The following FRMD4A variants were observed in gnomAD, a reference collection of about 807,000 sequenced individuals.
FRMD4A encodes FERM domain-containing protein 4A.
Under a neutral mutation model 129.1 loss-of-function variants are expected in FRMD4A, and 29 were observed. That is an observed-to-expected ratio of 0.22 (90% CI 0.17 to 0.31). The LOEUF (loss-of-function observed/expected upper bound fraction) is 0.31. FRMD4A is among the 10% of genes least tolerant of loss of function. FRMD4A has a pLI of 1.00. For missense variants in FRMD4A, 1,272 were observed against 1,375.8 expected, an observed-to-expected ratio of 0.92 and a Z score of 1.19; for synonymous variants, 634 against 571.6, an observed-to-expected ratio of 1.11 and a Z score of -1.56.
At chr10:13,786,537 C>T (rs575318349) in intron 5 of FRMD4A, among the ~76,000 whole-genome samples, 4 of 152,214 alleles carry the variant, frequency 2.6e-5, no homozygotes, top group African/African-American at 7.2e-5. Context: ...ACCTGGGAGG[C>T]GGAGGTTGCA....
intron 5 of FRMD4A, among the ~76,000 whole-genome samples, chr10:13,788,687 C>T (rs1049000190): frequency 5.9e-5 from 9 of 152,340 alleles, no homozygotes; most frequent in Middle Eastern, 3.4e-3. Flanking sequence ...CCACAAGCAA[C>T]AGCCCACCCA....
intron 2 of FRMD4A, among the ~76,000 whole-genome samples, chr10:14,035,295 C>A (rs1833444454): frequency 6.6e-6 from 1 of 151,790 alleles, no homozygotes; most frequent in Non-Finnish European, 1.5e-5. Context: ...ATCTGTAATC[C>A]CAGGTACTCA....
rs555481602 is a variant in FRMD4A, at chr10:14,161,289, A to G, written c.45+168769T>C. Reference sequence around the variant, plus strand: ...GATTACTTAAACTAGAAATAGAGCTACCATACAATCCAACAATTCCACTAT... The same window carrying G: ...GATTACTTAAACTAGAAATAGAGCTGCCATACAATCCAACAATTCCACTAT... On this transcript the variant is annotated intron_variant, in intron 2 of 24. Coordinates refer to ENST00000357447, the MANE Select transcript of FRMD4A (RefSeq NM_018027.5). 5.3e-5 allele frequency among the ~76,000 whole-genome samples: 8 copies of G among 152,290 alleles called. No homozygotes were observed. In the South Asian group the frequency reaches 1.7e-3, roughly 32 times the overall value.
intron 2 of FRMD4A, among the ~76,000 whole-genome samples, chr10:14,051,508 C>G (rs1306552020): frequency 6.6e-6 from 1 of 152,228 alleles, no homozygotes; most frequent in Non-Finnish European, 1.5e-5. Context: ...GTTCTCTGTA[C>G]TCTGTCCCGT....
At chr10:13,694,684 A>T (rs1243496258) in intron 14 of FRMD4A, among the ~76,000 whole-genome samples, 1 of 152,184 alleles carries the variant, frequency 6.6e-6, no homozygotes, top group African/African-American at 2.4e-5. Context: ...TCCCATCTAT[A>T]CAAAAAAATT....
intron 8 of FRMD4A, among the ~76,000 whole-genome samples, chr10:13,759,407 G>A (rs919118154): frequency 2.0e-5 from 3 of 152,168 alleles, no homozygotes; most frequent in Non-Finnish European, 2.9e-5. Context: ...GTGGCCACAC[G>A]TTCCCATGAT....
At chr10:13,694,324 A>C (rs1001213171) in intron 14 of FRMD4A, among the ~76,000 whole-genome samples, 1 of 152,220 alleles carries the variant, frequency 6.6e-6, no homozygotes, top group South Asian at 2.1e-4. Flanking sequence ...TGATTTAGGA[A>C]AAGTGACTTA....
chr10:14,192,312 G>A (rs1316367239), intron 2 of FRMD4A, among the ~76,000 whole-genome samples: 1 of 152,162 alleles, frequency 6.6e-6, no homozygotes, highest in Non-Finnish European at 1.5e-5. Context: ...ACACACACCT[G>A]TTTTGCTTAT....
chr10:13,675,597 C>T (rs11258516), intron 15 of FRMD4A: 11,915 of 152,136 alleles, frequency 0.078, 640 homozygotes, highest in Non-Finnish European at 0.12. Flanking sequence ...GATGGGGTTT[C>T]GCCATGTTGG....
At chr10:14,261,898 C>T (rs921172448) in intron 2 of FRMD4A, among the ~76,000 whole-genome samples, 2 of 151,490 alleles carry the variant, frequency 1.3e-5, no homozygotes, top group African/African-American at 2.4e-5. Context: ...TGCTCCAACC[C>T]AGCCTCTGTT....
chr10:13,986,723 C>T (rs956041893), intron 2 of FRMD4A, among the ~76,000 whole-genome samples: 5 of 150,784 alleles, frequency 3.3e-5, no homozygotes, highest in African/African-American at 4.9e-5. Flanking sequence ...CCCTGCACCC[C>T]GCTCCTAGAG....
intron 6 of FRMD4A, among the ~76,000 whole-genome samples, chr10:13,771,909 GT>G (rs2092464580): frequency 6.6e-6 from 1 of 151,582 alleles, no homozygotes; most frequent in Non-Finnish European, 1.5e-5. Flanking sequence ...GTGAAACCCT[GT>G]TTCACTTTGA....
chr10:13,703,414 A>G lies in FRMD4A; in HGVS notation c.837-1936T>C, dbSNP rs544429526. Among the ~76,000 whole-genome samples the G allele has an allele frequency of 3.3e-5, 5 of 152,314 alleles. No homozygotes were observed. In the East Asian group the frequency reaches 7.7e-4, roughly 24 times the overall value. ...TTGAGTTAGGATGCCCAGGGGGAGA[A>G]AGTGCACAGTGTTGTCCAGTGCCCC... is the stretch of plus-strand genomic sequence containing the variant. On this transcript the variant is annotated intron_variant, in intron 13 of 24. Transcript: ENST00000357447.
chr10:13,841,618 G>A (rs2093967113), intron 3 of FRMD4A, among the ~76,000 whole-genome samples: 1 of 152,202 alleles, frequency 6.6e-6, no homozygotes, highest in South Asian at 2.1e-4. Context: ...AAGAATCAAT[G>A]TGCCAGGAGA....
chr10:13,827,208 G>A (rs987165425), intron 3 of FRMD4A, among the ~76,000 whole-genome samples: 6 of 152,136 alleles, frequency 3.9e-5, no homozygotes, highest in African/African-American at 1.4e-4. Context: ...AAAAGAAACG[G>A]GTTAGCTTTT....
rs1026595579 is a variant in FRMD4A at position 13,646,925 on chromosome 10, G to A, written c.*113C>T. On this transcript the variant is annotated 3_prime_UTR_variant, in exon 25 of 25. Coordinates refer to ENST00000357447, the MANE Select transcript of FRMD4A (RefSeq NM_018027.5). The stretch of plus-strand genomic sequence containing the variant: ...GGCGTTGAGGCGGTCAGATTAGGCC[G>A]GGCTGGCTCACACGAGGGTCCCGGG... 1.2e-5 allele frequency: 11 copies of A among 914,148 alleles called. No individual in the cohort carries two copies. In the East Asian group the frequency reaches 8.3e-4, roughly 69 times the overall value. 56.6% of individuals were successfully genotyped at this position (914,148 alleles called of 1,614,324 possible).
At chr10:14,278,112 C>T (rs1435901768) in intron 2 of FRMD4A, among the ~76,000 whole-genome samples, 1 of 152,152 alleles carries the variant, frequency 6.6e-6, no homozygotes, top group Non-Finnish European at 1.5e-5. Flanking sequence ...CTCTACATTT[C>T]TAATCTGTTG....
chr10:14,060,319 G>C (rs551003533), intron 2 of FRMD4A, among the ~76,000 whole-genome samples: 4 of 152,146 alleles, frequency 2.6e-5, no homozygotes, highest in Non-Finnish European at 5.9e-5. Context: ...CACAACCAGC[G>C]GGAGGTTGGC....
At chr10:14,038,769 T>C (rs1238902896) in intron 2 of FRMD4A, among the ~76,000 whole-genome samples, 1 of 152,184 alleles carries the variant, frequency 6.6e-6, no homozygotes, top group East Asian at 1.9e-4. Flanking sequence ...CCGGTGACTT[T>C]AGTGAGCTAA....
Sources: allele counts gnomAD v4.1 joint callset (sites outside exome capture counted in the v4.1 genomes callset), GRCh38; gene constraint gnomAD v4.1.1; transcripts MANE v1.5; gene names NCBI Gene and HGNC (gene_info 2026-07-23, HGNC 2026-07-21).